CTIF: variants seen among roughly 807,000 people sequenced by gnomAD.
CTIF encodes the protein cap binding complex dependent translation initiation factor.
Under a neutral mutation model 66.0 loss-of-function variants are expected in CTIF, and 21 were observed. That is an observed-to-expected ratio of 0.32 (90% CI 0.23 to 0.46). The LOEUF (loss-of-function observed/expected upper bound fraction) is 0.46, where lower values mean the gene tolerates loss of function less well. Among genes scored for constraint, CTIF ranks in the 20% least tolerant of loss-of-function variants. The probability of loss-of-function intolerance (pLI) is 1.00; values close to 1 mark genes in which losing one functional copy is unlikely to be tolerated. For missense variants in CTIF, 739 were observed against 812.7 expected (o/e 0.91, Z 1.10); for synonymous variants, 345 against 326.4 (o/e 1.06, Z -0.62).
chr18:48,570,145 G>A (rs116818947), intron 1 of CTIF, among the ~76,000 whole-genome samples: 2,582 of 152,238 alleles, frequency 0.017, 76 homozygotes, highest in African/African-American at 0.059. Context: ...AAAAGAGGTA[G>A]ACAATAACCA....
At chr18:48,550,726 G>A (rs758597007) in intron 1 of CTIF, among the ~76,000 whole-genome samples, 224 of 152,226 alleles carry the variant, frequency 1.5e-3, no homozygotes, top group Non-Finnish European at 2.5e-3. Flanking sequence ...CTGTCCCCTG[G>A]GATCATGAGC....
At chr18:48,674,482 A>G (rs754383860) in intron 6 of CTIF, among the ~76,000 whole-genome samples, 10 of 152,330 alleles carry the variant, frequency 6.6e-5, no homozygotes, top group African/African-American at 9.6e-5. Flanking sequence ...CACAGAGCGC[A>G]TGCCACAATG....
intron 1 of CTIF, among the ~76,000 whole-genome samples, chr18:48,612,513 A>T (rs904239205): frequency 2.0e-5 from 3 of 152,234 alleles, no homozygotes; most frequent in Non-Finnish European, 4.4e-5. Flanking sequence ...TGCCTATAAT[A>T]GTCACCAGGA....
At chr18:48,857,448 C>A in intron 10 of CTIF, 140 bp from the exon 11 acceptor site, 1 of 680,528 alleles carries the variant, frequency 1.5e-6, no homozygotes, top group Non-Finnish European at 2.4e-6. Context: ...TGGGCTCTCA[C>A]TCTAGCCTGA....
chr18:48,844,075 C>G (rs1317493896), intron 10 of CTIF, among the ~76,000 whole-genome samples: 1 of 152,208 alleles, frequency 6.6e-6, no homozygotes, highest in East Asian at 1.9e-4. Flanking sequence ...TGCTGTTCAC[C>G]CTCAGAGGCC....
At chr18:48,745,358 G>C (rs2092587621) in intron 7 of CTIF, among the ~76,000 whole-genome samples, 1 of 152,216 alleles carries the variant, frequency 6.6e-6, no homozygotes, top group Non-Finnish European at 1.5e-5. Context: ...GGCAAAGGTG[G>C]TGACTGCCAA....
chr18:48,837,767 A>G (rs1025586861), intron 10 of CTIF, among the ~76,000 whole-genome samples: 1 of 152,158 alleles, frequency 6.6e-6, no homozygotes, highest in Non-Finnish European at 1.5e-5. Flanking sequence ...AGGTGGATCC[A>G]GTACAAACAC....
chr18:48,662,041 G>C (rs1044873282), intron 3 of CTIF: 1 of 152,254 alleles, frequency 6.6e-6, no homozygotes, highest in Non-Finnish European at 1.5e-5. Context: ...AGTGAGAACT[G>C]CAAGAGGCCG....
chr18:48,664,645 G>C, intron 5 of CTIF, 94 bp downstream of exon 5: 3 of 1,061,210 alleles, frequency 2.8e-6, no homozygotes, highest in Non-Finnish European at 4.2e-6. Flanking sequence ...CTGCACAGGG[G>C]ACTCAGGTGG....
intron 7 of CTIF, among the ~76,000 whole-genome samples, chr18:48,752,282 C>T (rs1907903070): frequency 6.6e-6 from 1 of 152,142 alleles, no homozygotes; most frequent in Non-Finnish European, 1.5e-5. Context: ...TGCTGGCCCT[C>T]TCCTCTCAGC....
At chr18:48,581,896 C>A (rs1165685293) in intron 1 of CTIF, among the ~76,000 whole-genome samples, 1 of 152,036 alleles carries the variant, frequency 6.6e-6, no homozygotes, top group Non-Finnish European at 1.5e-5. Flanking sequence ...GTGCTGGGGG[C>A]TTTCAGGGGA....
intron 2 of CTIF, among the ~76,000 whole-genome samples, chr18:48,626,261 A>T (rs1028163473): frequency 3.3e-5 from 5 of 152,042 alleles, no homozygotes; most frequent in African/African-American, 1.2e-4. Context: ...TCGGGCTCCT[A>T]AAGTGCTGGG....
intron 6 of CTIF, among the ~76,000 whole-genome samples, chr18:48,676,528 C>T (rs1044529461): frequency 6.6e-6 from 1 of 152,178 alleles, no homozygotes. Flanking sequence ...CCCCTGCCCC[C>T]ACATTGCTGG....
At chr18:48,668,652 T>G (rs2091475169) in intron 5 of CTIF, among the ~76,000 whole-genome samples, 1 of 151,874 alleles carries the variant, frequency 6.6e-6, no homozygotes, top group Non-Finnish European at 1.5e-5. Context: ...CACAGCAAAC[T>G]GGCACCACAC....
intron 3 of CTIF, among the ~76,000 whole-genome samples, chr18:48,650,709 A>C (rs749260988): frequency 1.3e-5 from 2 of 152,212 alleles, no homozygotes; most frequent in Non-Finnish European, 2.9e-5. Flanking sequence ...AAAAAATGTT[A>C]AGGGCAGCCA....
chr18:48,787,782 A>G (rs748347040), intron 9 of CTIF, among the ~76,000 whole-genome samples: 4 of 152,200 alleles, frequency 2.6e-5, no homozygotes, highest in Non-Finnish European at 4.4e-5. Context: ...AGCTAGAAAC[A>G]GTATTCCCTC....
At chr18:48,568,644 A>AAAG (rs1447062899) in intron 1 of CTIF, among the ~76,000 whole-genome samples, 8 of 125,398 alleles carry the variant, frequency 6.4e-5, no homozygotes, top group Non-Finnish European at 1.1e-4. Context: ...AAAAAAAAAA[A>AAAG]AAAAAAAAAA....
intron 9 of CTIF, among the ~76,000 whole-genome samples, chr18:48,778,956 C>A (rs1349890859): frequency 6.6e-6 from 1 of 152,204 alleles, no homozygotes; most frequent in Admixed American, 6.5e-5. Flanking sequence ...ACTGAGAGTA[C>A]AGGATCTGGA....
chr18:48,597,014 A>G (rs1205682871), intron 1 of CTIF, among the ~76,000 whole-genome samples: 2 of 152,198 alleles, frequency 1.3e-5, no homozygotes, highest in Non-Finnish European at 2.9e-5. Context: ...CCTCCACTGC[A>G]TCATGTGGGC....
Sources: gnomAD v4.1 joint callset for allele counts (sites outside exome capture counted in the v4.1 genomes callset) on GRCh38, gnomAD v4.1.1 for gene constraint, MANE v1.5 for transcripts, NCBI Gene and HGNC (gene_info 2026-07-23, HGNC 2026-07-21) for gene names.